The following PDE11A variants were observed in gnomAD, a reference collection of about 807,000 sequenced individuals.
PDE11A encodes dual 3',5'-cyclic-AMP and -GMP phosphodiesterase 11A.
A neutral mutation model predicts 100.5 loss-of-function variants in PDE11A; 100 were observed. The ratio of observed to expected loss-of-function variants is 1.00; its 90% CI spans 0.85 to 1.18. The LOEUF (loss-of-function observed/expected upper bound fraction) is 1.18, where lower values mean the gene tolerates loss of function less well. PDE11A is among the 50% of genes most tolerant of loss of function. The probability of loss-of-function intolerance (pLI) is 0.00; values close to 1 mark genes in which losing one functional copy is unlikely to be tolerated. For synonymous variants in PDE11A, 381 were observed against 420.8 expected, an observed-to-expected ratio of 0.91 and a Z score of 1.16; for missense variants, 1,141 against 1,152.6, an observed-to-expected ratio of 0.99 and a Z score of 0.15.
intron 9 of PDE11A, among the ~76,000 whole-genome samples, chr2:177,788,777 T>C (rs1054244749): frequency 1.3e-5 from 2 of 152,162 alleles, no homozygotes; most frequent in Non-Finnish European, 2.9e-5. Flanking sequence ...TCAAATAAAC[T>C]AGAAAATCTA....
intron 19 of PDE11A, among the ~76,000 whole-genome samples, chr2:177,631,629 GTA>G (rs1203198350): frequency 1.8e-5 from 2 of 109,318 alleles, no homozygotes; most frequent in African/African-American, 3.8e-5. Flanking sequence ...ATATGTGTGT[GTA>G]TATATATACA....
chr2:177,638,583 T>C (rs1178314864), intron 19 of PDE11A, among the ~76,000 whole-genome samples: 1 of 151,938 alleles, frequency 6.6e-6, no homozygotes, highest in South Asian at 2.1e-4. Context: ...AAAGTTTATA[T>C]TGTTGGGTGA....
intron 4 of PDE11A, among the ~76,000 whole-genome samples, chr2:177,886,894 G>T (rs2084442054): frequency 6.6e-6 from 1 of 152,068 alleles, no homozygotes. Flanking sequence ...GGAAAGGAGG[G>T]AAAAGATCTC....
intron 14 of PDE11A, among the ~76,000 whole-genome samples, chr2:177,699,528 C>T (rs941320276): frequency 6.6e-6 from 1 of 152,156 alleles, no homozygotes; most frequent in Admixed American, 6.6e-5. Flanking sequence ...TCTATTTTCA[C>T]GTTATGTGCC....
intron 5 of PDE11A, among the ~76,000 whole-genome samples, chr2:177,852,844 G>A (rs1270915072): frequency 6.6e-6 from 1 of 152,150 alleles, no homozygotes; most frequent in Non-Finnish European, 1.5e-5. Flanking sequence ...TCTGTTAGTG[G>A]AGTCGCCTTT....
intron 16 of PDE11A, among the ~76,000 whole-genome samples, chr2:177,677,473 T>C (rs2080793692): frequency 6.6e-6 from 1 of 151,978 alleles, no homozygotes; most frequent in Non-Finnish European, 1.5e-5. Flanking sequence ...GGCTGAGAGG[T>C]AGGACGGGTA....
chr2:177,759,545 C>A (rs1388082456), intron 10 of PDE11A, among the ~76,000 whole-genome samples: 1 of 152,170 alleles, frequency 6.6e-6, no homozygotes, highest in Non-Finnish European at 1.5e-5. Flanking sequence ...ACTTGGCAGG[C>A]CTGGAGAGCA....
chr2:177,907,768 C>T (rs866286382), intron 2 of PDE11A, among the ~76,000 whole-genome samples: 3 of 152,184 alleles, frequency 2.0e-5, no homozygotes, highest in Non-Finnish European at 4.4e-5. Flanking sequence ...AGACAGAGGT[C>T]AGGCAGGCTC....
chr2:178,087,835 G>GT (rs2087377781), intron 2 of PDE11A, among the ~76,000 whole-genome samples: 1 of 152,086 alleles, frequency 6.6e-6, no homozygotes, highest in Non-Finnish European at 1.5e-5. Flanking sequence ...GGAAGGATAT[G>GT]GAGGAGAAGG....
intron 2 of PDE11A, among the ~76,000 whole-genome samples, chr2:177,922,417 C>T (rs1356966006): frequency 4.6e-5 from 7 of 151,662 alleles, no homozygotes; most frequent in African/African-American, 1.5e-4. Context: ...GTACAGGTAC[C>T]CTAAAACTTA....
chr2:178,013,773 A>G (rs929487053), intron 2 of PDE11A, among the ~76,000 whole-genome samples: 7 of 152,236 alleles, frequency 4.6e-5, no homozygotes, highest in African/African-American at 1.4e-4. Flanking sequence ...CAGAGCAAAA[A>G]GTACATTACT....
intron 3 of PDE11A, among the ~76,000 whole-genome samples, chr2:177,903,588 G>T (rs1257074383): frequency 6.6e-6 from 1 of 152,188 alleles, no homozygotes; most frequent in Non-Finnish European, 1.5e-5. Context: ...CTTCACTTAA[G>T]GAGTTCAAAA....
intron 12 of PDE11A, among the ~76,000 whole-genome samples, chr2:177,717,191 C>T (rs1438035): frequency 0.093 from 14,144 of 152,166 alleles, 2,147 homozygotes; most frequent in African/African-American, 0.32. Context: ...ACCTGAGTTA[C>T]TGAAGCAGCA....
rs191035050 is a variant in PDE11A, at chr2:177,752,812, G to A, written c.1788+16511C>T. Among the ~76,000 whole-genome samples, 79 of 152,288 alleles carry A rather than the reference G, an allele frequency of 5.2e-4. 2 individuals are homozygous for A. The highest frequency in any genetic ancestry group is 3.4e-3 in the Middle Eastern group (1 of 294). Reference sequence around the variant, plus strand: ...ACTGTATCATTATTTATACCCATTAGAGGTTCACAGGAATGATATTCACTC... The same window carrying A: ...ACTGTATCATTATTTATACCCATTAAAGGTTCACAGGAATGATATTCACTC... On this transcript the variant is annotated intron_variant, in intron 10 of 19. Transcript: ENST00000286063.
chr2:177,801,627 G>C (rs1359898000), intron 9 of PDE11A, among the ~76,000 whole-genome samples: 1 of 152,060 alleles, frequency 6.6e-6, no homozygotes, highest in Non-Finnish European at 1.5e-5. Flanking sequence ...AAACAATGGT[G>C]CCAAAGTGAT....
chr2:177,787,134 G>C (rs1369835841), intron 9 of PDE11A, among the ~76,000 whole-genome samples: 1 of 145,306 alleles, frequency 6.9e-6, no homozygotes, highest in Non-Finnish European at 1.5e-5. Context: ...AGGGCAGCCA[G>C]AGAGAAAGGT....
At chr2:177,898,253 C>CT in intron 3 of PDE11A, 55 bp from the exon 4 acceptor site, 1 of 1,246,400 alleles carries the variant, frequency 8.0e-7, no homozygotes. Context: ...AAAAAAGTTG[C>CT]TTTTCTTCTT....
At chr2:177,680,525 C>T (rs1205515836) in intron 16 of PDE11A, among the ~76,000 whole-genome samples, 1 of 152,124 alleles carries the variant, frequency 6.6e-6, no homozygotes, top group African/African-American at 2.4e-5. Context: ...ATCCCTTCTC[C>T]ACCCAACTTG....
At position 177,858,431 on chromosome 2, in the gene PDE11A, T is replaced by C. The variant is rs973613789; in HGVS notation, c.1367+17428A>G. ...AAAAAAAACCACATCAAAAAGTGGGTGAAGGATATGAACAGACACTTCTCA... is the reference window on the plus strand; with the variant it reads ...AAAAAAAACCACATCAAAAAGTGGGCGAAGGATATGAACAGACACTTCTCA... On this transcript the variant is annotated intron_variant, in intron 5 of 19. Transcript: ENST00000286063. Among the ~76,000 whole-genome samples, 1,101 of 148,668 alleles carry C rather than the reference T, an allele frequency of 7.4e-3. 12 individuals are homozygous for C. The highest frequency in any genetic ancestry group is 0.025 in the African/African-American group (1,022 of 40,684).
Sources: gnomAD v4.1 joint callset for allele counts (sites outside exome capture counted in the v4.1 genomes callset) on GRCh38, gnomAD v4.1.1 for gene constraint, MANE v1.5 for transcripts, NCBI Gene and HGNC (gene_info 2026-07-23, HGNC 2026-07-21) for gene names.